Variants in CEP112 observed in about 807,000 individuals in gnomAD.
CEP112 encodes the protein centrosomal protein 112, also known as centrosomal protein of 112 kDa.
CEP112 carries 127 observed loss-of-function variants against 153.0 expected under a neutral mutation model. The ratio of observed to expected loss-of-function variants is 0.83; its 90% CI spans 0.72 to 0.96. CEP112 has a LOEUF of 0.96. Among genes scored for constraint, CEP112 ranks in the 40% least tolerant of loss-of-function variants. CEP112 has a pLI of 0.00. For missense variants in CEP112, 1,089 were observed against 1,101.2 expected (o/e 0.99, Z 0.16); for synonymous variants, 358 against 374.4 (o/e 0.96, Z 0.51).
chr17:66,176,519 G>A (rs1009906035), intron 3 of CEP112: 20 of 189,398 alleles, frequency 1.1e-4, no homozygotes, highest in Non-Finnish European at 6.4e-5. Context: ...ACTGAATTAC[G>A]TAAAAATTAC....
In CEP112 at chr17:65,849,533, G is replaced by A. The variant is rs139753604; in HGVS notation, c.2394+2271C>T. Among the ~76,000 whole-genome samples the A allele has an allele frequency of 1.9e-3, 285 of 152,170 alleles. 1 individual carries two copies. Among genetic ancestry groups the A allele is most frequent in the African/African-American group, 6.7e-3 (278 of 41,522 alleles). On this transcript the variant is annotated intron_variant, in intron 21 of 26. Transcript: ENST00000535342. ...TCTTTACCCTGTAAATTAGCATCAC[G>A]TATAAACCTACATTTCACGAAGTTC... is the stretch of plus-strand genomic sequence containing the variant.
intron 20 of CEP112, among the ~76,000 whole-genome samples, chr17:65,878,830 C>T (rs1425994245): frequency 6.8e-6 from 1 of 146,954 alleles, no homozygotes; most frequent in East Asian, 2.0e-4. Flanking sequence ...GAAGGCTCTT[C>T]CCTAAAAAAA....
At chr17:66,005,580 T>A in intron 17 of CEP112, 110 bp downstream of exon 17, 1 of 1,295,578 alleles carries the variant, frequency 7.7e-7, no homozygotes, top group South Asian at 1.7e-5. Flanking sequence ...TGCAAACGAA[T>A]CCATAGCAAA....
intron 20 of CEP112, among the ~76,000 whole-genome samples, chr17:65,887,685 G>C (rs1180147755): frequency 6.6e-6 from 1 of 152,174 alleles, no homozygotes; most frequent in Non-Finnish European, 1.5e-5. Flanking sequence ...GATCAGGCAA[G>C]AGACCTAGGA....
At chr17:65,937,511 G>T (rs1454429687) in intron 18 of CEP112, among the ~76,000 whole-genome samples, 35 of 121,310 alleles carry the variant, frequency 2.9e-4, no homozygotes, top group South Asian at 1.7e-3. Context: ...CAACCGCCCC[G>T]TCTGAGAAGT....
At chr17:66,092,356 A>AACACACACACACACACACACACACACAC (rs3056819) in intron 8 of CEP112, among the ~76,000 whole-genome samples, 1 of 135,064 alleles carries the variant, frequency 7.4e-6, no homozygotes. Flanking sequence ...CATTAATTTA[A>AACACACACACACACACACACACACACAC]ACACACACAC....
At chr17:65,757,170 G>A (rs2052336702) in intron 21 of CEP112, among the ~76,000 whole-genome samples, 1 of 152,154 alleles carries the variant, frequency 6.6e-6, no homozygotes, top group South Asian at 2.1e-4. Flanking sequence ...TGGGCTTCTA[G>A]CTTCCAGAGC....
At chr17:66,060,740 T>C (rs1226400691) in intron 11 of CEP112, among the ~76,000 whole-genome samples, 2 of 152,122 alleles carry the variant, frequency 1.3e-5, no homozygotes, top group African/African-American at 4.8e-5. Context: ...TTTCTCACCA[T>C]ACACAAAAAT....
chr17:66,010,497 T>C (rs892418010), intron 16 of CEP112, among the ~76,000 whole-genome samples: 2 of 152,188 alleles, frequency 1.3e-5, no homozygotes, highest in African/African-American at 4.8e-5. Context: ...ACTACTATGT[T>C]AAATAGGAGT....
chr17:66,056,881 A>G (rs751644406), intron 11 of CEP112, among the ~76,000 whole-genome samples: 1 of 152,222 alleles, frequency 6.6e-6, no homozygotes, highest in Non-Finnish European at 1.5e-5. Flanking sequence ...GGTGAATTTT[A>G]TGGCATGTAA....
At chr17:66,113,732 A>C (rs1406750692) in intron 6 of CEP112, among the ~76,000 whole-genome samples, 1 of 152,232 alleles carries the variant, frequency 6.6e-6, no homozygotes, top group Non-Finnish European at 1.5e-5. Flanking sequence ...CACTGTAAAC[A>C]ACAGTGAATT....
At chr17:66,011,134 T>G (rs12950164) in intron 16 of CEP112, among the ~76,000 whole-genome samples, 62,405 of 151,890 alleles carry the variant, frequency 0.41, 14,279 homozygotes, top group East Asian at 0.87. Context: ...TTTAATTATG[T>G]AACTCATTAT....
chr17:65,647,012 C>T (rs1456019327), intron 24 of CEP112, among the ~76,000 whole-genome samples: 1 of 152,228 alleles, frequency 6.6e-6, no homozygotes, highest in Non-Finnish European at 1.5e-5. Flanking sequence ...ACAAATGCAA[C>T]GTATATGTCT....
chr17:65,937,511 G>C (rs1454429687), intron 18 of CEP112, among the ~76,000 whole-genome samples: 1 of 121,970 alleles, frequency 8.2e-6, no homozygotes, highest in Non-Finnish European at 1.8e-5. Flanking sequence ...CAACCGCCCC[G>C]TCTGAGAAGT....
chr17:65,727,715 A>C (rs2144946357), intron 23 of CEP112, among the ~76,000 whole-genome samples: 1 of 152,318 alleles, frequency 6.6e-6, no homozygotes, highest in East Asian at 1.9e-4. Flanking sequence ...GTGACTCTGA[A>C]ATAGTAGTGC....
chr17:65,783,361 G>C (rs971418372), intron 21 of CEP112, among the ~76,000 whole-genome samples: 2 of 152,154 alleles, frequency 1.3e-5, no homozygotes, highest in Admixed American at 6.5e-5. Context: ...TGTTTCAGCT[G>C]TTGTAGAAAA....
In CEP112 at chr17:65,891,577, C is replaced by T. The variant is rs547817253; in HGVS notation, c.2163+10575G>A. Among the ~76,000 whole-genome samples the T allele has an allele frequency of 3.3e-5, 5 of 152,292 alleles. No individual in the cohort carries two copies. In the South Asian group the frequency reaches 6.2e-4, roughly 19 times the overall value. On this transcript the variant is annotated intron_variant, in intron 20 of 26. Coordinates refer to ENST00000535342, the MANE Select transcript of CEP112 (RefSeq NM_001199165.4). ...TCTGCAAGTCCTGCTGCCTCACATA[C>T]GCATGCCATATTGGCATCTAGGACT...
intron 24 of CEP112, among the ~76,000 whole-genome samples, chr17:65,649,627 G>A (rs1350834014): frequency 1.3e-5 from 2 of 151,610 alleles, no homozygotes; most frequent in Non-Finnish European, 2.9e-5. Flanking sequence ...TCTGAGGTGG[G>A]AGGGTCACTT....
At chr17:65,810,541 T>A (rs1334628465) in intron 21 of CEP112, among the ~76,000 whole-genome samples, 3 of 152,136 alleles carry the variant, frequency 2.0e-5, no homozygotes, top group Admixed American at 6.6e-5. Context: ...AAATTATTGA[T>A]AACTAACCAG....
Sources: allele counts gnomAD v4.1 joint callset (sites outside exome capture counted in the v4.1 genomes callset), GRCh38; gene constraint gnomAD v4.1.1; transcripts MANE v1.5; gene names NCBI Gene and HGNC (gene_info 2026-07-23, HGNC 2026-07-21).